The following GOSR2 variants were observed in gnomAD, a reference collection of about 807,000 sequenced individuals.
The protein encoded by GOSR2 is golgi SNAP receptor complex member 2.
GOSR2 carries 20 observed loss-of-function variants against 27.9 expected under a neutral mutation model. That is an observed-to-expected ratio of 0.72 (90% CI 0.50 to 1.04). GOSR2 has a LOEUF of 1.04. GOSR2 is among the 50% of genes least tolerant of loss of function. The pLI is 0.00. For missense variants in GOSR2, 261 were observed against 270.5 expected (o/e 0.97, Z 0.25); for synonymous variants, 91 against 98.8 (o/e 0.92, Z 0.47).
intron 4 of GOSR2, chr17:46,933,226 C>T (rs1324840327): frequency 6.6e-6 from 1 of 152,244 alleles, no homozygotes; most frequent in African/African-American, 2.4e-5. Flanking sequence ...TGATGCTGTG[C>T]ACACCGTCAG....
intron 4 of GOSR2, 41 bp from the exon 5 acceptor site, chr17:46,934,988 T>C (rs1286611319): frequency 1.9e-6 from 3 of 1,597,860 alleles, no homozygotes; most frequent in African/African-American, 1.3e-5. Context: ...AGGAACTGAC[T>C]GATAAGCAAA....
At chr17:46,961,527 T>C (rs1164842951) in intron 6 of GOSR2, among the ~76,000 whole-genome samples, 1 of 152,112 alleles carries the variant, frequency 6.6e-6, no homozygotes, top group Non-Finnish European at 1.5e-5. Context: ...AAATTAAGAC[T>C]CTGCCTCTGT....
At position 46,941,861 on chromosome 17, in the gene GOSR2, C is replaced by T; in HGVS notation, c.*3101C>T. The T allele has an allele frequency of 1.1e-6, 1 of 896,622 alleles. No homozygotes were observed. Among genetic ancestry groups the T allele is most frequent in the Non-Finnish European group, 1.3e-6 (1 of 749,006 alleles). 55.5% of individuals were successfully genotyped at this position (896,622 alleles called of 1,614,324 possible). A position where few individuals can be genotyped will look rare whatever the true frequency, so the allele number is the denominator to read the frequency against. On this transcript the variant is annotated 3_prime_UTR_variant, in exon 6 of 6. Coordinates refer to ENST00000640051, the MANE Select transcript of GOSR2 (RefSeq NM_004287.5). ...TCGGCCTCCCAAAGTTCTAGGGTTA[C>T]AGGTGTTAGCCACTGTACCTGGCCT...
intron 1 of GOSR2, among the ~76,000 whole-genome samples, chr17:46,926,632 A>G (rs2086543388): frequency 6.6e-6 from 1 of 152,126 alleles, no homozygotes. Context: ...CCAGTGTGTT[A>G]TGTTGTGTTA....
downstream of GOSR2, among the ~76,000 whole-genome samples, chr17:46,971,354 T>G (rs943603822): frequency 6.6e-5 from 10 of 151,940 alleles, no homozygotes; most frequent in Non-Finnish European, 1.3e-4. Context: ...ATTAATTAAT[T>G]AATTAAAAAG....
chr17:46,947,851 C>G (rs1055312087), intron 6 of GOSR2, among the ~76,000 whole-genome samples: 1 of 152,232 alleles, frequency 6.6e-6, no homozygotes, highest in Non-Finnish European at 1.5e-5. Flanking sequence ...TCACCGTAAC[C>G]TCCGCCTCCC....
rs529437948 is a variant in GOSR2 at position 46,930,899 on chromosome 17, A to G, written c.95-200A>G. 1.7e-5 allele frequency: 10 copies of G among 592,722 alleles called. No homozygotes were observed. In the East Asian group the frequency reaches 2.3e-4, roughly 14 times the overall value. The allele number at this position is 592,722 out of a possible 1,614,324, so 36.7% of individuals were successfully genotyped here. A position where few individuals can be genotyped will look rare whatever the true frequency, so the allele number is the denominator to read the frequency against. On this transcript the variant is annotated intron_variant, in intron 2 of 5. Transcript: ENST00000640051. ...TGGCATTGTTATGTCATTAACAGCTATATACATGTACTTTTTTCAAAACAA... is the reference window on the plus strand; with the variant it reads ...TGGCATTGTTATGTCATTAACAGCTGTATACATGTACTTTTTTCAAAACAA...
At chr17:46,929,831 G>C in intron 2 of GOSR2, 1 of 497,924 alleles carries the variant, frequency 2.0e-6, no homozygotes, top group East Asian at 3.6e-5. Flanking sequence ...GGGAATGGAA[G>C]CGCTTGCCTC....
intron 6 of GOSR2, among the ~76,000 whole-genome samples, chr17:46,974,505 C>T (rs1461834186): frequency 7.2e-5 from 11 of 152,098 alleles, no homozygotes. Flanking sequence ...GAGGCCGAGG[C>T]GGGTGGATCA....
chr17:46,935,745 A>C, intron 5 of GOSR2: 1 of 987,704 alleles, frequency 1.0e-6, no homozygotes. Context: ...TATTCCTAGA[A>C]GCCCTGACCA....
chr17:46,930,982 T>A, intron 2 of GOSR2, 117 bp from the exon 3 acceptor site: 1 of 699,804 alleles, frequency 1.4e-6, no homozygotes, highest in Non-Finnish European at 2.6e-6. Context: ...ATTTTTCTCC[T>A]TTTGAAATAT....
chr17:46,928,314 G>A (rs556269177), intron 1 of GOSR2, among the ~76,000 whole-genome samples: 6 of 152,282 alleles, frequency 3.9e-5, no homozygotes, highest in Admixed American at 2.0e-4. Flanking sequence ...TGGGTGCCTG[G>A]CTGGCATTGG....
downstream of GOSR2, among the ~76,000 whole-genome samples, chr17:46,969,785 AAGATTTG>A (rs1359774087): frequency 6.6e-6 from 1 of 152,170 alleles, no homozygotes; most frequent in Non-Finnish European, 1.5e-5. Context: ...GCCTGGCCTG[AAGATTTG>A]AGTGTATAGG....
chr17:46,931,032 A>G, intron 2 of GOSR2, 67 bp from the exon 3 acceptor site: 1 of 895,384 alleles, frequency 1.1e-6, no homozygotes, highest in Non-Finnish European at 1.9e-6. Context: ...AAAATCTGTG[A>G]TTTATCATTG....
Position 46,940,326 on chromosome 17 carries a change from C to G in GOSR2, c.*1566C>G. The stretch of plus-strand genomic sequence containing the variant: ...CCCAGGTTTCCAAGGAAGGAGCAAT[C>G]TGTGACTCCTAAAATGGGTTGGGGC... On this transcript the variant is annotated 3_prime_UTR_variant, in exon 6 of 6. Coordinates refer to ENST00000640051, the MANE Select transcript of GOSR2 (RefSeq NM_004287.5). 1 of 1,454,490 alleles carries G rather than the reference C, an allele frequency of 6.9e-7. No individual in the cohort carries two copies. 90.1% of individuals were successfully genotyped at this position (1,454,490 alleles called of 1,614,324 possible).
In GOSR2 at chr17:46,974,690, C is replaced by T. The variant is rs150170489; in HGVS notation, c.616-509C>T. Among the ~76,000 whole-genome samples the T allele has an allele frequency of 1.9e-3, 293 of 151,178 alleles. 1 individual carries two copies. Among genetic ancestry groups the T allele is most frequent in the African/African-American group, 6.9e-3 (283 of 41,142 alleles). ...CAGAGCTTGCAGTGAGCCCAGATCG[C>T]ACCACTGCACTCCAGCCTGGGGGAC... is the stretch of plus-strand genomic sequence containing the variant. On this transcript the variant is annotated intron_variant, in intron 6 of 6. Coordinates refer to the GOSR2 transcript ENST00000640723.
intron 1 of GOSR2, chr17:46,923,571 G>C (rs2086021538): frequency 7.6e-7 from 1 of 1,313,410 alleles, no homozygotes; most frequent in Non-Finnish European, 9.7e-7. Context: ...CTCGAGAGGA[G>C]ACACGGAGTA....
At chr17:46,958,616 T>C (rs1439536661) in intron 6 of GOSR2, among the ~76,000 whole-genome samples, 1 of 152,190 alleles carries the variant, frequency 6.6e-6, no homozygotes, top group Non-Finnish European at 1.5e-5. Flanking sequence ...GCCAGTGGGA[T>C]GTGCCAGCTC....
At chr17:46,930,881 G>T in intron 2 of GOSR2, 3 of 516,588 alleles carry the variant, frequency 5.8e-6, no homozygotes, top group Non-Finnish European at 6.9e-6. Context: ...AATTGGCATT[G>T]TTATGTCATT....
Sources: gnomAD v4.1 joint callset for allele counts (sites outside exome capture counted in the v4.1 genomes callset) on GRCh38, gnomAD v4.1.1 for gene constraint, MANE v1.5 for transcripts, NCBI Gene and HGNC (gene_info 2026-07-23, HGNC 2026-07-21) for gene names.